TEAD1: variants seen among roughly 807,000 people sequenced by gnomAD.
TEAD1 encodes transcriptional enhancer factor TEF-1.
TEAD1 carries 9 observed loss-of-function variants against 54.9 expected under a neutral mutation model. That is an observed-to-expected ratio of 0.16 (90% CI 0.10 to 0.29). The LOEUF (loss-of-function observed/expected upper bound fraction) is 0.29, where lower values mean the gene tolerates loss of function less well. TEAD1 is among the 10% of genes least tolerant of loss of function. The pLI, the probability that TEAD1 is intolerant of heterozygous loss-of-function variation, is 1.00. For synonymous variants in TEAD1, 200 were observed against 187.8 expected (o/e 1.07, Z -0.53); for missense variants, 387 against 535.9 (o/e 0.72, Z 2.74).
At chr11:12,713,208 T>A (rs1055361099) in intron 2 of TEAD1, among the ~76,000 whole-genome samples, 8 of 151,918 alleles carry the variant, frequency 5.3e-5, no homozygotes, top group African/African-American at 1.7e-4. Context: ...TTTGTAGAGA[T>A]GAGGTCTTGT....
intron 2 of TEAD1, among the ~76,000 whole-genome samples, chr11:12,714,868 C>T (rs962268359): frequency 3.3e-5 from 5 of 152,136 alleles, no homozygotes; most frequent in African/African-American, 1.2e-4. Flanking sequence ...TGTAAGGACA[C>T]CAGTCACACT....
At chr11:12,710,445 C>G (rs1300177731) in intron 2 of TEAD1, among the ~76,000 whole-genome samples, 1 of 152,108 alleles carries the variant, frequency 6.6e-6, no homozygotes, top group Non-Finnish European at 1.5e-5. Context: ...TCCTGTTATT[C>G]AGAGTTCACA....
intron 3 of TEAD1, among the ~76,000 whole-genome samples, chr11:12,786,690 TGGG>T (rs1945683867): frequency 6.6e-6 from 1 of 152,192 alleles, no homozygotes; most frequent in South Asian, 2.1e-4. Context: ...CTCTAGGCAC[TGGG>T]GATATTGCAG....
intron 3 of TEAD1, among the ~76,000 whole-genome samples, chr11:12,852,080 G>A (rs1036094942): frequency 6.6e-6 from 1 of 152,190 alleles, no homozygotes; most frequent in Non-Finnish European, 1.5e-5. Flanking sequence ...GACTTTGCAG[G>A]TAAAAGAGAA....
intron 2 of TEAD1, among the ~76,000 whole-genome samples, chr11:12,695,730 A>AG (rs1047995732): frequency 1.3e-5 from 2 of 152,196 alleles, no homozygotes; most frequent in Non-Finnish European, 2.9e-5. Context: ...TTTGTAAGGA[A>AG]GGGGCCTCAC....
chr11:12,709,620 A>C (rs1943892201), intron 2 of TEAD1, among the ~76,000 whole-genome samples: 1 of 152,102 alleles, frequency 6.6e-6, no homozygotes, highest in Non-Finnish European at 1.5e-5. Flanking sequence ...TCATAGGCTC[A>C]AGTTATCCTC....
At chr11:12,793,419 C>A (rs1417106941) in intron 3 of TEAD1, among the ~76,000 whole-genome samples, 1 of 152,018 alleles carries the variant, frequency 6.6e-6, no homozygotes, top group African/African-American at 2.4e-5. Context: ...AATATCTTTG[C>A]TATTTTAGAG....
intron 3 of TEAD1, among the ~76,000 whole-genome samples, chr11:12,832,073 A>G (rs1360313588): frequency 1.3e-5 from 2 of 152,128 alleles, no homozygotes; most frequent in Admixed American, 6.5e-5. Flanking sequence ...TCTGACTCCC[A>G]ATAAACCACA....
At chr11:12,697,909 G>T (rs1376128908) in intron 2 of TEAD1, among the ~76,000 whole-genome samples, 1 of 151,962 alleles carries the variant, frequency 6.6e-6, no homozygotes, top group Non-Finnish European at 1.5e-5. Flanking sequence ...TATAATCCCA[G>T]CTAGCTGGGA....
chr11:12,778,240 C>T (rs1945470251), intron 3 of TEAD1, among the ~76,000 whole-genome samples: 1 of 152,158 alleles, frequency 6.6e-6, no homozygotes, highest in South Asian at 2.1e-4. Context: ...AGAGCTCAGG[C>T]TCTGGGGTTC....
At chr11:12,734,969 A>G (rs571361123) in intron 2 of TEAD1, among the ~76,000 whole-genome samples, 6 of 152,356 alleles carry the variant, frequency 3.9e-5, no homozygotes, top group African/African-American at 1.4e-4. Flanking sequence ...GAAAGATCTA[A>G]GATGATATTA....
At chr11:12,739,469 A>G (rs1268793572) in intron 2 of TEAD1, among the ~76,000 whole-genome samples, 2 of 152,192 alleles carry the variant, frequency 1.3e-5, no homozygotes, top group Non-Finnish European at 1.5e-5. Flanking sequence ...GCCCTTGTCA[A>G]CCACCATTCT....
intron 12 of TEAD1, among the ~76,000 whole-genome samples, chr11:12,935,811 G>T (rs995386595): frequency 5.3e-5 from 8 of 152,130 alleles, no homozygotes; most frequent in Non-Finnish European, 1.2e-4. Flanking sequence ...TAGTTGCTGG[G>T]AAACAGGGCC....
In TEAD1 at chr11:12,897,386, C is replaced by T. The variant is rs142134372; in HGVS notation, c.700-4554C>T. Among the ~76,000 whole-genome samples the T allele has an allele frequency of 2.1e-3, 327 of 152,290 alleles. 2 individuals carry two copies. The highest frequency in any genetic ancestry group is 7.4e-3 in the African/African-American group (309 of 41,564). ...AGAATTCATTTCATTAAAACTTGAA[C>T]CCAACATACAGATTTCTTCCTTTCA... On this transcript the variant is annotated intron_variant, in intron 9 of 12. Coordinates refer to ENST00000527636, the MANE Select transcript of TEAD1 (RefSeq NM_021961.6).
chr11:12,722,573 G>T (rs539440362), intron 2 of TEAD1, among the ~76,000 whole-genome samples: 6 of 151,770 alleles, frequency 4.0e-5, no homozygotes, highest in African/African-American at 9.7e-5. Flanking sequence ...ATACAAATTG[G>T]TTTCCCAAAT....
In TEAD1 at chr11:12,700,496, A is replaced by G. The variant is rs905056571; in HGVS notation, c.-55+24935A>G. Among the ~76,000 whole-genome samples, 8 of 152,370 alleles carry G rather than the reference A, an allele frequency of 5.3e-5. No individual in the cohort carries two copies. The East Asian group carries it at 1.3e-3, about 26-fold the overall frequency. On this transcript the variant is annotated intron_variant, in intron 2 of 12. Transcript: ENST00000527636. ...TAAACATACAGTACATTCTAAAATT[A>G]TAAATTAAAAAATGATGTTATACCT...
chr11:12,703,703 A>G lies in TEAD1; in HGVS notation c.-55+28142A>G, dbSNP rs535206843. The stretch of plus-strand genomic sequence containing the variant: ...TTTGTTTATAATAGACCCTCAGGAT[A>G]TATCCATTGGAATGAGTGAATTTGG... On this transcript the variant is annotated intron_variant, in intron 2 of 12. Coordinates refer to ENST00000527636, the MANE Select transcript of TEAD1 (RefSeq NM_021961.6). 3.9e-5 allele frequency among the ~76,000 whole-genome samples: 6 copies of G among 152,318 alleles called. No homozygotes were observed. The East Asian group carries it at 1.2e-3, about 29-fold the overall frequency.
At chr11:12,743,277 A>C (rs770445567) in intron 2 of TEAD1, among the ~76,000 whole-genome samples, 11 of 152,232 alleles carry the variant, frequency 7.2e-5, no homozygotes, top group Non-Finnish European at 1.6e-4. Flanking sequence ...GACAGCACTC[A>C]ATAAATGTTG....
intron 11 of TEAD1, among the ~76,000 whole-genome samples, chr11:12,928,529 C>T (rs373158005): frequency 6.6e-6 from 1 of 152,088 alleles, no homozygotes; most frequent in East Asian, 1.9e-4. Flanking sequence ...CTCAGCCTAC[C>T]AAAGTGCTAG....
Sources: allele counts gnomAD v4.1 joint callset (sites outside exome capture counted in the v4.1 genomes callset), GRCh38; gene constraint gnomAD v4.1.1; transcripts MANE v1.5; gene names NCBI Gene and HGNC (gene_info 2026-07-23, HGNC 2026-07-21).